SYNJ2: variants seen among roughly 807,000 people sequenced by gnomAD.
The protein encoded by SYNJ2 is synaptojanin 2.
A neutral mutation model predicts 141.3 loss-of-function variants in SYNJ2; 116 were observed. The ratio of observed to expected loss-of-function variants is 0.82; its 90% CI spans 0.71 to 0.96. SYNJ2 has a LOEUF of 0.96. Among genes scored for constraint, SYNJ2 ranks in the 40% least tolerant of loss-of-function variants. The probability of loss-of-function intolerance (pLI) is 0.00; values close to 1 mark genes in which losing one functional copy is unlikely to be tolerated. For missense variants in SYNJ2, 1,873 were observed against 1,934.8 expected (o/e 0.97, Z 0.60); for synonymous variants, 745 against 777.7 (o/e 0.96, Z 0.70).
chr6:158,048,944 C>T (rs931970557), intron 5 of SYNJ2, among the ~76,000 whole-genome samples: 4 of 152,088 alleles, frequency 2.6e-5, no homozygotes, highest in Non-Finnish European at 5.9e-5. Flanking sequence ...GAAGTCTAGG[C>T]AGTGTTAGTT....
In SYNJ2 at chr6:158,062,019, G is replaced by A; in HGVS notation, c.982G>A (p.Gly328Ser). ...GCTGCTCTGGGCTTCTTGCCACGCG[G>A]GCGACACGCCTATGATCAATTTTGA... ...KKLLWASCHA[G>S]DTPMINFDFH... The change falls in exon 8 of 27, where the codon GGC (glycine) becomes AGC (serine). Residue 328 changes from glycine to serine, a missense_variant. Gly to Ser is a moderately conservative substitution (Grantham distance 56, BLOSUM62 0). Transcript: ENST00000355585. 6.2e-7 allele frequency: 1 copy of A among 1,614,044 alleles called. No individual in the cohort carries two copies. Among genetic ancestry groups the A allele is most frequent in the African/African-American group, 1.3e-5 (1 of 75,026 alleles).
intron 1 of SYNJ2, among the ~76,000 whole-genome samples, chr6:158,013,110 A>G (rs1778326694): frequency 6.6e-6 from 1 of 152,246 alleles, no homozygotes; most frequent in Non-Finnish European, 1.5e-5. Flanking sequence ...GGCCAGGCAC[A>G]GTGGCTCATG....
In SYNJ2 at chr6:158,098,450, A is replaced by G. The variant is rs1364489899; in HGVS notation, c.*2086A>G. On this transcript the variant is annotated 3_prime_UTR_variant, in exon 27 of 27. Transcript: ENST00000355585. Reference sequence around the variant, plus strand: ...ACGAGGAGTTTAAGAGTTAAATATTATTTGATCGTGGCTGTCAAATTTAGT... The same window carrying G: ...ACGAGGAGTTTAAGAGTTAAATATTGTTTGATCGTGGCTGTCAAATTTAGT... 2.6e-5 allele frequency: 4 copies of G among 151,890 alleles called. No individual in the cohort carries two copies. The highest frequency in any genetic ancestry group is 4.4e-5 in the Non-Finnish European group (3 of 68,012). 9.4% of individuals were successfully genotyped at this position (151,890 alleles called of 1,614,324 possible). A position where few individuals can be genotyped will look rare whatever the true frequency, so the allele number is the denominator to read the frequency against.
chr6:158,011,554 GT>G (rs1363827476), intron 1 of SYNJ2, among the ~76,000 whole-genome samples: 4 of 152,164 alleles, frequency 2.6e-5, no homozygotes, highest in Non-Finnish European at 5.9e-5. Context: ...GGTTTTGTTT[GT>G]TTGTTTTTAA....
chr6:158,035,020 A>G (rs775622824), intron 4 of SYNJ2, among the ~76,000 whole-genome samples: 101 of 152,170 alleles, frequency 6.6e-4, no homozygotes, highest in Non-Finnish European at 6.8e-4. Context: ...TGGGTTGTCT[A>G]TTCTGTTTCA....
At chr6:158,038,813 C>G (rs1259233110) in intron 4 of SYNJ2, among the ~76,000 whole-genome samples, 1 of 152,226 alleles carries the variant, frequency 6.6e-6, no homozygotes, top group Non-Finnish European at 1.5e-5. Flanking sequence ...CGGCTGGTGA[C>G]CCCTGCCTGG....
chr6:157,996,114 C>G (rs911539926), intron 1 of SYNJ2, among the ~76,000 whole-genome samples: 1 of 152,216 alleles, frequency 6.6e-6, no homozygotes, highest in African/African-American at 2.4e-5. Flanking sequence ...TACAGTATCG[C>G]TGGACTCCCC....
At chr6:158,017,404 T>A in intron 2 of SYNJ2, 114 bp downstream of exon 2, 1 of 946,102 alleles carries the variant, frequency 1.1e-6, no homozygotes, top group Non-Finnish European at 1.4e-6. Flanking sequence ...CTCTCTCTCT[T>A]CTTTTTTTTT....
chr6:158,045,321 G>T (rs918825995), intron 5 of SYNJ2, among the ~76,000 whole-genome samples: 5 of 151,972 alleles, frequency 3.3e-5, no homozygotes, highest in African/African-American at 1.2e-4. Flanking sequence ...TGTTAGCCAG[G>T]CTGGTCTTGA....
At position 158,062,111 on chromosome 6, in the gene SYNJ2, G is replaced by A. The variant is rs1405403378; in HGVS notation, c.1074G>A (p.Lys358=). 6.2e-7 allele frequency: 1 copy of A among 1,614,016 alleles called. No individual in the cohort carries two copies. The highest frequency in any genetic ancestry group is 8.5e-7 in the Non-Finnish European group (1 of 1,180,032). ...KLETLLRPQL[K]LHWEDFDVFT... ...AGACCCTCTTGAGGCCACAGTTAAA[G>A]CTGCACTGGGAAGACTTCGATGTGT... Residue 358 remains lysine, a synonymous_variant, in exon 8 of 27, where the codon AAG becomes AAA. Coordinates refer to ENST00000355585, the MANE Select transcript of SYNJ2 (RefSeq NM_003898.4).
At chr6:158,047,534 T>C (rs1303225214) in intron 5 of SYNJ2, among the ~76,000 whole-genome samples, 2 of 152,056 alleles carry the variant, frequency 1.3e-5, no homozygotes, top group Non-Finnish European at 2.9e-5. Context: ...TCCAGCAATT[T>C]GGGAGGCCAA....
At chr6:158,050,928 C>T (rs2477808) in intron 5 of SYNJ2, among the ~76,000 whole-genome samples, 74,722 of 151,528 alleles carry the variant, frequency 0.49, 18,784 homozygotes, top group South Asian at 0.59. Context: ...CTTTCCATGA[C>T]ACCCAATGGC....
intron 17 of SYNJ2, chr6:158,077,657 A>T (rs1270087156): frequency 4.6e-4 from 6 of 13,090 alleles, no homozygotes; most frequent in Admixed American, 1.3e-3. Flanking sequence ...ACATAAAAAA[A>T]AAAAAAAAAA....
chr6:158,029,259 G>A, intron 3 of SYNJ2: 1 of 478,428 alleles, frequency 2.1e-6, no homozygotes, highest in Non-Finnish European at 3.6e-6. Flanking sequence ...ATTTGGAAAA[G>A]AAACCTGCGC....
intron 5 of SYNJ2, among the ~76,000 whole-genome samples, chr6:158,044,378 T>C (rs1780122635): frequency 6.6e-6 from 1 of 152,160 alleles, no homozygotes. Flanking sequence ...AGTGACAGCA[T>C]TGGTGAAGTA....
intron 26 of SYNJ2, among the ~76,000 whole-genome samples, chr6:158,094,594 G>C (rs1413963975): frequency 6.6e-6 from 1 of 152,174 alleles, no homozygotes; most frequent in Non-Finnish European, 1.5e-5. Flanking sequence ...TAAAAGCCAG[G>C]AGCAGAAATA....
chr6:158,082,512 A>G (rs1465382037), intron 20 of SYNJ2, among the ~76,000 whole-genome samples: 8 of 134,976 alleles, frequency 5.9e-5, no homozygotes, highest in Non-Finnish European at 1.3e-4. Flanking sequence ...AAAAAAAAAA[A>G]GTAGCCAGAC....
intron 1 of SYNJ2, among the ~76,000 whole-genome samples, chr6:158,014,989 C>A (rs1382678260): frequency 1.3e-5 from 2 of 152,156 alleles, no homozygotes; most frequent in African/African-American, 4.8e-5. Context: ...TGAGAGGAAC[C>A]AGGAAATCAA....
At chr6:158,066,334 C>T in intron 11 of SYNJ2, 110 bp from the exon 12 acceptor site, 1 of 1,273,142 alleles carries the variant, frequency 7.9e-7, no homozygotes, top group Non-Finnish European at 1.1e-6. Flanking sequence ...TGGTTTATCT[C>T]TAGAGGCTCA....
Sources: allele counts gnomAD v4.1 joint callset (sites outside exome capture counted in the v4.1 genomes callset), GRCh38; gene constraint gnomAD v4.1.1; transcripts MANE v1.5; gene names NCBI Gene and HGNC (gene_info 2026-07-23, HGNC 2026-07-21).